The following CDC73 variants were observed in gnomAD, a reference collection of about 807,000 sequenced individuals.
CDC73 encodes parafibromin.
In CDC73, 21 loss-of-function variants were observed where a neutral mutation model predicts 83.7. The ratio of observed to expected loss-of-function variants is 0.25; its 90% confidence interval spans 0.18 to 0.36. CDC73 has a LOEUF of 0.36. Ranked by LOEUF, CDC73 falls within the 10% of genes least tolerant of loss-of-function variation. The pLI, the probability that CDC73 is intolerant of heterozygous loss-of-function variation, is 1.00. For missense variants in CDC73, 342 were observed against 653.3 expected, an observed-to-expected ratio of 0.52 and a Z score of 5.19; for synonymous variants, 224 against 212.9, an observed-to-expected ratio of 1.05 and a Z score of -0.45.
chr1:193,229,568 C>T (rs554786403), intron 13 of CDC73, among the ~76,000 whole-genome samples: 56 of 152,298 alleles, frequency 3.7e-4, no homozygotes, highest in South Asian at 2.1e-4. Flanking sequence ...GTCTTGGCTT[C>T]GTAGCCTCCA....
intron 1 of CDC73, chr1:193,122,590 T>G: frequency 2.2e-6 from 1 of 460,272 alleles, no homozygotes; most frequent in Non-Finnish European, 4.0e-6. Flanking sequence ...ACTTTTACAG[T>G]TAATTTTTAT....
chr1:193,168,213 T>G (rs1676463697), intron 10 of CDC73, among the ~76,000 whole-genome samples: 1 of 152,088 alleles, frequency 6.6e-6, no homozygotes, highest in Non-Finnish European at 1.5e-5. Flanking sequence ...TTTAATGTGG[T>G]GTAGGTACCA....
At chr1:193,237,677 A>G (rs1312304625) in intron 15 of CDC73, among the ~76,000 whole-genome samples, 1 of 152,064 alleles carries the variant, frequency 6.6e-6, no homozygotes, top group Non-Finnish European at 1.5e-5. Context: ...TGTTGACTCA[A>G]AGCCTTTGTC....
chr1:193,241,111 A>G (rs1677848860), intron 15 of CDC73, among the ~76,000 whole-genome samples: 1 of 151,940 alleles, frequency 6.6e-6, no homozygotes, highest in African/African-American at 2.4e-5. Flanking sequence ...TCCTATGTTG[A>G]TATCTGCACA....
chr1:193,209,048 A>G (rs571090019), intron 11 of CDC73, among the ~76,000 whole-genome samples: 3 of 152,216 alleles, frequency 2.0e-5, no homozygotes, highest in Non-Finnish European at 4.4e-5. Context: ...ATTTTTGTTT[A>G]TGGTCTGGGC....
intron 15 of CDC73, among the ~76,000 whole-genome samples, chr1:193,242,955 C>CTT (rs530654324): frequency 5.9e-4 from 84 of 142,210 alleles, no homozygotes; most frequent in African/African-American, 1.8e-3. Context: ...TCTTCTTCTT[C>CTT]TTTTTTTTTT....
chr1:193,241,007 A>C (rs1350874974), intron 15 of CDC73, among the ~76,000 whole-genome samples: 2 of 151,758 alleles, frequency 1.3e-5, no homozygotes, highest in Non-Finnish European at 2.9e-5. Flanking sequence ...ATATTTCCTA[A>C]GTTTATTTTT....
chr1:193,157,751 A>G (rs985457127), intron 10 of CDC73, among the ~76,000 whole-genome samples: 2 of 152,186 alleles, frequency 1.3e-5, no homozygotes, highest in African/African-American at 2.4e-5. Context: ...CCAGTTTGTT[A>G]AAGATAAGTT....
chr1:193,204,029 A>T (rs923480415), intron 11 of CDC73, among the ~76,000 whole-genome samples, 177 bp downstream of exon 11: 36 of 152,080 alleles, frequency 2.4e-4, no homozygotes, highest in African/African-American at 8.4e-4. Flanking sequence ...GTGATAATAT[A>T]CATAAAATGC....
intron 15 of CDC73, among the ~76,000 whole-genome samples, chr1:193,248,992 A>G (rs770193827): frequency 2.6e-5 from 4 of 152,038 alleles, no homozygotes; most frequent in Admixed American, 6.6e-5. Flanking sequence ...GAGAGGATTA[A>G]CTCCAATTTT....
chr1:193,145,508 C>A (rs570175464), intron 7 of CDC73, among the ~76,000 whole-genome samples: 1 of 152,176 alleles, frequency 6.6e-6, no homozygotes, highest in African/African-American at 2.4e-5. Context: ...AAACCTGCCA[C>A]TCTTTCTTGT....
chr1:193,150,213 G>T, intron 8 of CDC73, 91 bp from the exon 9 acceptor site: 1 of 922,308 alleles, frequency 1.1e-6, no homozygotes, highest in Middle Eastern at 2.2e-4. Context: ...CTTGGCTGCA[G>T]TGAGCCATGG....
At chr1:193,158,160 A>G (rs1357523633) in intron 10 of CDC73, among the ~76,000 whole-genome samples, 1 of 151,888 alleles carries the variant, frequency 6.6e-6, no homozygotes, top group African/African-American at 2.4e-5. Flanking sequence ...ACTAGTTTAT[A>G]TAAATATTAT....
At chr1:193,143,385 C>G (rs1675939846) in intron 7 of CDC73, among the ~76,000 whole-genome samples, 1 of 152,098 alleles carries the variant, frequency 6.6e-6, no homozygotes, top group Non-Finnish European at 1.5e-5. Context: ...AAAAAAATCT[C>G]AAACTCATAG....
chr1:193,185,191 G>C (rs1676784791), intron 10 of CDC73, among the ~76,000 whole-genome samples: 1 of 151,830 alleles, frequency 6.6e-6, no homozygotes, highest in South Asian at 2.1e-4. Context: ...TTATGTTTTT[G>C]AATTTCACTT....
intron 5 of CDC73, among the ~76,000 whole-genome samples, 173 bp from the exon 6 acceptor site, chr1:193,137,912 A>G (rs1675828653): frequency 6.6e-6 from 1 of 152,212 alleles, no homozygotes; most frequent in Non-Finnish European, 1.5e-5. Context: ...TTCAACATAT[A>G]TTTATTGTTA....
chr1:193,170,052 G>GC (rs1553282923), intron 10 of CDC73, among the ~76,000 whole-genome samples: 4 of 150,478 alleles, frequency 2.7e-5, no homozygotes, highest in Non-Finnish European at 5.9e-5. Context: ...TGTGGTATTT[G>GC]TTTTTTTTTC....
At chr1:193,220,600 T>G (rs1021651651) in intron 13 of CDC73, among the ~76,000 whole-genome samples, 1 of 152,224 alleles carries the variant, frequency 6.6e-6, no homozygotes, top group African/African-American at 2.4e-5. Context: ...CTTAAGTAGC[T>G]TTCTTTACAA....
At chr1:193,178,647 T>C (rs1198172248) in intron 10 of CDC73, among the ~76,000 whole-genome samples, 1 of 152,202 alleles carries the variant, frequency 6.6e-6, no homozygotes, top group African/African-American at 2.4e-5. Flanking sequence ...TAAGTAATTC[T>C]GGTATTTCTG....
Sources: gnomAD v4.1 joint callset for allele counts (sites outside exome capture counted in the v4.1 genomes callset) on GRCh38, gnomAD v4.1.1 for gene constraint, MANE v1.5 for transcripts, NCBI Gene and HGNC (gene_info 2026-07-23, HGNC 2026-07-21) for gene names.